The following ARHGEF28 variants were observed in gnomAD, a reference collection of about 807,000 sequenced individuals.
The protein encoded by ARHGEF28 is 190 kDa guanine nucleotide exchange factor.
Under a neutral mutation model 206.6 loss-of-function variants are expected in ARHGEF28, and 152 were observed. The ratio of observed to expected loss-of-function variants is 0.74; its 90% CI spans 0.64 to 0.84. ARHGEF28 has a LOEUF of 0.84. Among genes scored for constraint, ARHGEF28 ranks in the 40% least tolerant of loss-of-function variants. The pLI is 0.00. For missense variants in ARHGEF28, 2,028 were observed against 2,073.2 expected (o/e 0.98, Z 0.42); for synonymous variants, 763 against 776.4 (o/e 0.98, Z 0.29).
intron 1 of ARHGEF28, among the ~76,000 whole-genome samples, chr5:73,656,358 T>C (rs1345724463): frequency 2.0e-5 from 3 of 152,250 alleles, no homozygotes; most frequent in African/African-American, 2.4e-5. Flanking sequence ...ACAGAATTCC[T>C]GGTTTCCTTT....
intron 1 of ARHGEF28, among the ~76,000 whole-genome samples, chr5:73,654,675 G>A (rs761627782): frequency 6.6e-6 from 1 of 152,198 alleles, no homozygotes. Flanking sequence ...GAACACAGTG[G>A]CATAATTATG....
At chr5:73,927,322 G>A (rs1763876049) in intron 35 of ARHGEF28, among the ~76,000 whole-genome samples, 1 of 152,162 alleles carries the variant, frequency 6.6e-6, no homozygotes, top group South Asian at 2.1e-4. Context: ...AGTAAGCTGT[G>A]GTCATACCAC....
chr5:73,935,209 C>T (rs1471656272), intron 35 of ARHGEF28, among the ~76,000 whole-genome samples: 1 of 152,176 alleles, frequency 6.6e-6, no homozygotes, highest in African/African-American at 2.4e-5. Context: ...AAAATTGTAA[C>T]ACAATTTGCT....
chr5:73,914,501 A>G (rs892262831), intron 35 of ARHGEF28, among the ~76,000 whole-genome samples: 7 of 142,944 alleles, frequency 4.9e-5, no homozygotes, highest in African/African-American at 1.8e-4. Context: ...AGTTCAGGTG[A>G]TTCTCCTGCC....
At position 73,741,322 on chromosome 5, in the gene ARHGEF28, G is replaced by T. The variant is rs567470555; in HGVS notation, c.34-8515G>T. On this transcript the variant is annotated intron_variant, in intron 2 of 35. Coordinates refer to ENST00000513042, the MANE Select transcript of ARHGEF28 (RefSeq NM_001177693.2). ...AATCATTCCATCAAGGGTGAAAGTCGTCTAGATTTTAAATTTATATGTGTG... is the reference window on the plus strand; with the variant it reads ...AATCATTCCATCAAGGGTGAAAGTCTTCTAGATTTTAAATTTATATGTGTG... Among the ~76,000 whole-genome samples, 598 of 136,704 alleles carry T rather than the reference G, an allele frequency of 4.4e-3. 6 individuals are homozygous for T. The highest frequency in any genetic ancestry group is 0.02 in the Middle Eastern group (5 of 252). The allele number at this position is 136,704 out of a possible 152,430, so 89.7% of individuals were successfully genotyped here.
chr5:73,796,812 A>T (rs1754847874), intron 9 of ARHGEF28, among the ~76,000 whole-genome samples: 1 of 152,200 alleles, frequency 6.6e-6, no homozygotes, highest in South Asian at 2.1e-4. Context: ...CTCTGTATAG[A>T]TGGCTGTTGT....
At chr5:73,854,638 C>G (rs1456237516) in intron 14 of ARHGEF28, among the ~76,000 whole-genome samples, 2 of 152,038 alleles carry the variant, frequency 1.3e-5, no homozygotes, top group East Asian at 3.9e-4. Flanking sequence ...TGAGACCAGC[C>G]TAGTCAACAT....
At chr5:73,709,039 T>C (rs1749099092) in intron 2 of ARHGEF28, among the ~76,000 whole-genome samples, 1 of 152,208 alleles carries the variant, frequency 6.6e-6, no homozygotes, top group Admixed American at 6.5e-5. Flanking sequence ...AATGGGGTTA[T>C]TTGTTTTTGG....
intron 35 of ARHGEF28, among the ~76,000 whole-genome samples, chr5:73,928,486 TAAC>T (rs1402281014): frequency 6.6e-6 from 1 of 152,146 alleles, no homozygotes; most frequent in African/African-American, 2.4e-5. Flanking sequence ...AGTCTGGTAA[TAAC>T]ATAATTATTA....
At position 73,882,610 on chromosome 5, in the gene ARHGEF28, C is replaced by A; in HGVS notation, c.2937+16C>A. On this transcript the variant is annotated intron_variant, in intron 23 of 35. Transcript: ENST00000513042. Reference sequence around the variant, plus strand: ...TTTTATTAAGGCAAGTATTTTAAAACTTTATTACAAAGTGATAAATCAGCA... The same window carrying A: ...TTTTATTAAGGCAAGTATTTTAAAAATTTATTACAAAGTGATAAATCAGCA... 1 of 1,461,450 alleles carries A rather than the reference C, an allele frequency of 6.8e-7. No individual in the cohort carries two copies. Among genetic ancestry groups the A allele is most frequent in the Non-Finnish European group, 9.1e-7 (1 of 1,097,196 alleles). 90.5% of individuals were successfully genotyped at this position (1,461,450 alleles called of 1,614,324 possible).
At chr5:73,851,140 G>A (rs1448996902) in intron 13 of ARHGEF28, among the ~76,000 whole-genome samples, 1 of 152,174 alleles carries the variant, frequency 6.6e-6, no homozygotes, top group Non-Finnish European at 1.5e-5. Flanking sequence ...ATGTTTCATT[G>A]TTTAGTCGGC....
intron 2 of ARHGEF28, among the ~76,000 whole-genome samples, chr5:73,700,992 GT>G (rs1233735470): frequency 1.3e-5 from 2 of 152,082 alleles, no homozygotes; most frequent in Non-Finnish European, 2.9e-5. Context: ...GCAGTTCTCT[GT>G]TTTTATTTTG....
chr5:73,715,466 C>G (rs1404253766), intron 2 of ARHGEF28, among the ~76,000 whole-genome samples: 1 of 152,160 alleles, frequency 6.6e-6, no homozygotes, highest in Non-Finnish European at 1.5e-5. Context: ...GGTAGGGTCT[C>G]TTCTGCCACT....
At chr5:73,711,887 G>A (rs1749270156) in intron 2 of ARHGEF28, among the ~76,000 whole-genome samples, 1 of 151,406 alleles carries the variant, frequency 6.6e-6, no homozygotes, top group Non-Finnish European at 1.5e-5. Flanking sequence ...ATCTTGGTGG[G>A]AAAGCATTTA....
chr5:73,893,774 C>T (rs1057249824), intron 28 of ARHGEF28, among the ~76,000 whole-genome samples: 7 of 152,234 alleles, frequency 4.6e-5, no homozygotes, highest in South Asian at 2.1e-4. Context: ...CGATTGAATC[C>T]GAATCTGTGG....
chr5:73,688,200 GA>G (rs1392719703), intron 2 of ARHGEF28, among the ~76,000 whole-genome samples: 2 of 151,956 alleles, frequency 1.3e-5, no homozygotes, highest in African/African-American at 4.8e-5. Flanking sequence ...AAATTAATAA[GA>G]TTTACCTCAA....
chr5:73,781,138 T>C (rs190142320), intron 7 of ARHGEF28, among the ~76,000 whole-genome samples: 10 of 152,284 alleles, frequency 6.6e-5, no homozygotes, highest in African/African-American at 2.4e-4. Flanking sequence ...TAAGCAAGGA[T>C]ACTCTGGAAG....
At chr5:73,845,167 G>A (rs947104606) in intron 11 of ARHGEF28, among the ~76,000 whole-genome samples, 14 of 151,886 alleles carry the variant, frequency 9.2e-5, no homozygotes, top group African/African-American at 2.9e-4. Context: ...ACAGGTGCCT[G>A]CCACAACAGC....
chr5:73,838,141 TCAAA>T (rs1757773451), intron 10 of ARHGEF28, among the ~76,000 whole-genome samples: 2 of 152,178 alleles, frequency 1.3e-5, no homozygotes, highest in South Asian at 4.1e-4. Flanking sequence ...TAGAGAGAAC[TCAAA>T]CAAGTTAATT....
Sources: gnomAD v4.1 joint callset for allele counts (sites outside exome capture counted in the v4.1 genomes callset) on GRCh38, gnomAD v4.1.1 for gene constraint, MANE v1.5 for transcripts, NCBI Gene and HGNC (gene_info 2026-07-23, HGNC 2026-07-21) for gene names.